PRR11: variants seen among roughly 807,000 people sequenced by gnomAD.
The protein encoded by PRR11 is proline-rich protein 11.
In PRR11, 30 loss-of-function variants were observed where a neutral mutation model predicts 45.6. The ratio of observed to expected loss-of-function variants is 0.66; its 90% CI spans 0.49 to 0.89. The LOEUF is 0.89. Among genes scored for constraint, PRR11 ranks in the 40% least tolerant of loss-of-function variants. The pLI is 0.00. For synonymous variants in PRR11, 128 were observed against 153.5 expected (o/e 0.83, Z 1.23); for missense variants, 373 against 424.8 (o/e 0.88, Z 1.07).
chr17:59,169,881 G>A lies in PRR11; in HGVS notation c.128+1G>A. 1 of 1,598,044 alleles carries A rather than the reference G, an allele frequency of 6.3e-7. No individual in the cohort carries two copies. On this transcript the variant is annotated splice_donor_variant, in intron 2 of 9. Coordinates refer to ENST00000262293, the MANE Select transcript of PRR11 (RefSeq NM_018304.4). LOFTEE classifies it high-confidence loss of function. ...CTCCTCCACCACCCTCACCAGAAAG[G>A]TAAGGCTTAATGTGGAACAGAAAAA...
intron 2 of PRR11, among the ~76,000 whole-genome samples, chr17:59,184,062 G>T (rs1332571262): frequency 6.6e-6 from 1 of 152,148 alleles, no homozygotes; most frequent in South Asian, 2.1e-4. Flanking sequence ...CTATGATCTT[G>T]CCACCGCACT....
At chr17:59,184,138 T>C (rs1703136727) in intron 2 of PRR11, among the ~76,000 whole-genome samples, 1 of 151,728 alleles carries the variant, frequency 6.6e-6, no homozygotes, top group Admixed American at 6.6e-5. Flanking sequence ...ATAAAAGAGT[T>C]GGATGACATT....
intron 2 of PRR11, among the ~76,000 whole-genome samples, chr17:59,173,321 C>G (rs948740762): frequency 1.3e-5 from 2 of 152,148 alleles, no homozygotes; most frequent in Admixed American, 1.3e-4. Context: ...AGCAGGCTGC[C>G]CAAGCCAGTA....
intron 2 of PRR11, among the ~76,000 whole-genome samples, chr17:59,176,463 G>A (rs1354439161): frequency 6.6e-6 from 1 of 152,066 alleles, no homozygotes; most frequent in Non-Finnish European, 1.5e-5. Flanking sequence ...ATGCAAGGGG[G>A]ACCTGAACTG....
At chr17:59,156,634 A>G (rs1304847741) in intron 1 of PRR11, among the ~76,000 whole-genome samples, 1 of 151,834 alleles carries the variant, frequency 6.6e-6, no homozygotes. Flanking sequence ...CCCAGAACAA[A>G]GAACTTTTCT....
intron 2 of PRR11, chr17:59,174,928 C>T: frequency 9.8e-7 from 1 of 1,020,178 alleles, no homozygotes; most frequent in South Asian, 1.3e-5. Context: ...GATTCCTCCC[C>T]ACCTCCTCCA....
At position 59,172,446 on chromosome 17, in the gene PRR11, G is replaced by A. The variant is rs533675246; in HGVS notation, c.128+2566G>A. 2.0e-4 allele frequency among the ~76,000 whole-genome samples: 30 copies of A among 152,356 alleles called. No homozygotes were observed. The East Asian group carries it at 2.7e-3, about 14-fold the overall frequency. ...CCAGCCTTGAGGAGCCCTTCAGCCC[G>A]CCGCTGCACTGTGGGAGCCCCTTTC... On this transcript the variant is annotated intron_variant, in intron 2 of 9. Transcript: ENST00000262293.
At chr17:59,197,214 T>C (rs2046870666) in intron 7 of PRR11, among the ~76,000 whole-genome samples, 1 of 152,084 alleles carries the variant, frequency 6.6e-6, no homozygotes, top group Admixed American at 6.6e-5. Flanking sequence ...AAATGATTGC[T>C]TTCCTTTGGG....
chr17:59,160,013 G>A (rs1005810996), intron 1 of PRR11, among the ~76,000 whole-genome samples: 7 of 151,832 alleles, frequency 4.6e-5, no homozygotes, highest in East Asian at 1.9e-4. Context: ...CATTTTCATA[G>A]CAAGTTATCA....
intron 2 of PRR11, among the ~76,000 whole-genome samples, chr17:59,184,303 A>T (rs1021778629): frequency 8.5e-5 from 13 of 152,100 alleles, no homozygotes; most frequent in Non-Finnish European, 1.8e-4. Context: ...CTCTACTAAA[A>T]ATACAAAAAA....
chr17:59,182,011 GT>G (rs983588061), intron 2 of PRR11, among the ~76,000 whole-genome samples: 1 of 130,564 alleles, frequency 7.7e-6, no homozygotes, highest in Non-Finnish European at 1.6e-5. Context: ...TTTTTTGCTT[GT>G]TTTTTTGTTA....
chr17:59,188,879 G>T (rs1290906851), intron 4 of PRR11, among the ~76,000 whole-genome samples: 1 of 151,796 alleles, frequency 6.6e-6, no homozygotes, highest in African/African-American at 2.4e-5. Context: ...GACACAGGTT[G>T]CAGTGAGCTG....
chr17:59,205,355 T>TG lies in PRR11; in HGVS notation c.*3726dup, dbSNP rs1272755847. ...TTAAAATAAAGATTAATAAAAGTTTTGGTTTTTCTCTTTCTAACCTTCTTT... is the reference window on the plus strand; with the variant it reads ...TTAAAATAAAGATTAATAAAAGTTTTGGGTTTTTCTCTTTCTAACCTTCTTT... On this transcript the variant is annotated 3_prime_UTR_variant, in exon 10 of 10. Coordinates refer to ENST00000262293, the MANE Select transcript of PRR11 (RefSeq NM_018304.4). 6.6e-6 allele frequency among the ~76,000 whole-genome samples: 1 copy of TG among 151,858 alleles called. No individual in the cohort carries two copies. The highest frequency in any genetic ancestry group is 1.5e-5 in the Non-Finnish European group (1 of 67,980).
chr17:59,201,474 C>A, intron 9 of PRR11, 89 bp from the exon 10 acceptor site: 2 of 1,373,378 alleles, frequency 1.5e-6, no homozygotes, highest in Non-Finnish European at 2.0e-6. Context: ...TGTTGCCATG[C>A]AAAAATTCTG....
chr17:59,205,073 C>CA lies in PRR11; in HGVS notation c.*3454dup, dbSNP rs1413266467. 2.8e-3 allele frequency among the ~76,000 whole-genome samples: 374 copies of CA among 134,900 alleles called. 1 individual carries two copies. The highest frequency in any genetic ancestry group is 7.0e-3 in the African/African-American group (256 of 36,642). 88.5% of individuals were successfully genotyped at this position (134,900 alleles called of 152,430 possible). ...TGCTTTGCTACATAATGAGGCCAGG[C>CA]AAAAAAAAAAAAGTCCTGTGGAAAT... On this transcript the variant is annotated 3_prime_UTR_variant, in exon 10 of 10. Coordinates refer to ENST00000262293, the MANE Select transcript of PRR11 (RefSeq NM_018304.4).
rs746065862 is a variant in PRR11 at position 59,195,395 on chromosome 17, T to G, written c.809T>G (p.Leu270Arg). 1 of 1,613,964 alleles carries G rather than the reference T, an allele frequency of 6.2e-7. No homozygotes were observed. The highest frequency in any genetic ancestry group is 1.7e-5 in the Admixed American group (1 of 60,012). ...GTCTCTGACTTGCAGCATGTTACCC[T>G]GAAACCTAACTCCAAAGTGTTATCG... is the stretch of plus-strand genomic sequence containing the variant. ...VTVSDLQHVT[L>R]KPNSKVLSTR... The change falls in exon 7 of 10, where the codon CTG becomes CGG. Residue 270 changes from leucine (L) to arginine (R), a missense_variant. Coordinates refer to ENST00000262293, the MANE Select transcript of PRR11 (RefSeq NM_018304.4).
intron 1 of PRR11, among the ~76,000 whole-genome samples, chr17:59,158,111 T>C (rs1268474998): frequency 6.6e-6 from 1 of 152,152 alleles, no homozygotes; most frequent in Non-Finnish European, 1.5e-5. Context: ...TCAGTTCTGG[T>C]ATGGAAAATG....
At chr17:59,185,268 A>G in intron 3 of PRR11, 64 bp downstream of exon 3, 2 of 1,578,398 alleles carry the variant, frequency 1.3e-6, no homozygotes, top group Non-Finnish European at 1.7e-6. Context: ...GTTTATATAC[A>G]TATGTGCTCA....
chr17:59,186,738 T>G lies in PRR11; in HGVS notation c.402+1176T>G, dbSNP rs535483405. ...TAGCAAGTCAGACATAAAAATAAAT[T>G]TATGCACAGCAAAATAAGATGCAAA... On this transcript the variant is annotated intron_variant, in intron 4 of 9. Transcript: ENST00000262293. 2.4e-4 allele frequency among the ~76,000 whole-genome samples: 37 copies of G among 152,174 alleles called. No homozygotes were observed. In the South Asian group the frequency reaches 7.7e-3, roughly 32 times the overall value.
Sources: allele counts gnomAD v4.1 joint callset (sites outside exome capture counted in the v4.1 genomes callset), GRCh38; gene constraint gnomAD v4.1.1; transcripts MANE v1.5; gene names NCBI Gene and HGNC (gene_info 2026-07-23, HGNC 2026-07-21).